NOL4: variants seen among roughly 807,000 people sequenced by gnomAD.
NOL4 encodes cancer/testis antigen 125.
Under a neutral mutation model 75.9 loss-of-function variants are expected in NOL4, and 17 were observed. The ratio of observed to expected loss-of-function variants is 0.22; its 90% CI spans 0.15 to 0.34. The LOEUF (loss-of-function observed/expected upper bound fraction) is 0.34, where lower values mean the gene tolerates loss of function less well. NOL4 is among the 10% of genes least tolerant of loss of function. The pLI, the probability that NOL4 is intolerant of heterozygous loss-of-function variation, is 1.00. For missense variants in NOL4, 614 were observed against 793.5 expected (o/e 0.77, Z 2.72); for synonymous variants, 292 against 289.9 (o/e 1.01, Z -0.07).
chr18:33,992,802 C>T (rs1206962986), intron 6 of NOL4, among the ~76,000 whole-genome samples: 1 of 151,996 alleles, frequency 6.6e-6, no homozygotes, highest in Non-Finnish European at 1.5e-5. Context: ...AGCTCAGTTC[C>T]TAAGGTAGAG....
At chr18:34,209,706 T>C (rs766700695) in intron 1 of NOL4, among the ~76,000 whole-genome samples, 1 of 152,198 alleles carries the variant, frequency 6.6e-6, no homozygotes, top group Non-Finnish European at 1.5e-5. Context: ...TAATTTATAC[T>C]GAGAAATAGA....
chr18:33,958,187 T>A (rs986198689), intron 7 of NOL4, 52 bp downstream of exon 7: 3 of 1,459,216 alleles, frequency 2.1e-6, no homozygotes, highest in Non-Finnish European at 2.8e-6. Context: ...AGCAACAACA[T>A]GAAAGTGAAG....
intron 5 of NOL4, among the ~76,000 whole-genome samples, chr18:34,024,194 A>AATAT (rs1555696185): frequency 4.7e-4 from 33 of 70,642 alleles, no homozygotes; most frequent in African/African-American, 1.2e-3. Context: ...AAAAAAAAAA[A>AATAT]ATATATATAT....
chr18:33,961,505 A>T (rs934168710), intron 6 of NOL4, among the ~76,000 whole-genome samples: 3 of 152,070 alleles, frequency 2.0e-5, no homozygotes, highest in Non-Finnish European at 4.4e-5. Context: ...GCTTTCCTGG[A>T]TATTCAGCTT....
intron 6 of NOL4, among the ~76,000 whole-genome samples, chr18:34,003,466 TA>T (rs1329174339): frequency 6.6e-6 from 1 of 152,138 alleles, no homozygotes; most frequent in Non-Finnish European, 1.5e-5. Flanking sequence ...TTGATTATAT[TA>T]AAAACCTTAA....
intron 9 of NOL4, among the ~76,000 whole-genome samples, chr18:33,894,857 C>G (rs1281966871): frequency 6.6e-6 from 1 of 152,030 alleles, no homozygotes; most frequent in African/African-American, 2.4e-5. Flanking sequence ...GGTTGTTGAT[C>G]AAAGGGTGCA....
At chr18:34,081,383 A>G (rs894849022) in intron 5 of NOL4, among the ~76,000 whole-genome samples, 6 of 152,170 alleles carry the variant, frequency 3.9e-5, no homozygotes, top group Admixed American at 1.3e-4. Context: ...ACATTTTAAT[A>G]TTCTTTTAAA....
intron 8 of NOL4, among the ~76,000 whole-genome samples, chr18:33,955,823 A>G (rs2069600859): frequency 6.6e-6 from 1 of 152,164 alleles, no homozygotes. Flanking sequence ...AGTCAATTGC[A>G]TAACATTAAA....
intron 6 of NOL4, among the ~76,000 whole-genome samples, chr18:33,966,895 C>T (rs2145831117): frequency 6.6e-6 from 1 of 152,242 alleles, no homozygotes; most frequent in Middle Eastern, 3.4e-3. Context: ...ATTAAAATGA[C>T]CATAATTCCC....
intron 9 of NOL4, among the ~76,000 whole-genome samples, chr18:33,887,946 G>T (rs553613509): frequency 9.2e-5 from 14 of 152,072 alleles, no homozygotes; most frequent in Non-Finnish European, 1.6e-4. Flanking sequence ...GTAATGGGAT[G>T]GCTGGGTCAA....
intron 1 of NOL4, among the ~76,000 whole-genome samples, chr18:34,189,474 C>A (rs1231113091): frequency 1.3e-5 from 2 of 152,054 alleles, no homozygotes; most frequent in Non-Finnish European, 2.9e-5. Flanking sequence ...GTTTGACTTT[C>A]AAAGTTAATT....
At chr18:34,099,526 A>G (rs2078948484) in intron 4 of NOL4, among the ~76,000 whole-genome samples, 1 of 152,008 alleles carries the variant, frequency 6.6e-6, no homozygotes, top group Admixed American at 6.6e-5. Flanking sequence ...GCATTTCATT[A>G]CCAGCAACTG....
At chr18:34,168,806 TCCAAA>T (rs1383251945) in intron 1 of NOL4, among the ~76,000 whole-genome samples, 4 of 145,152 alleles carry the variant, frequency 2.8e-5, no homozygotes, top group African/African-American at 1.1e-4. Context: ...ATTTATAAAT[TCCAAA>T]CCAATCAAGA....
At chr18:33,887,082 A>G (rs2064772548) in intron 9 of NOL4, among the ~76,000 whole-genome samples, 1 of 140,508 alleles carries the variant, frequency 7.1e-6, no homozygotes, top group African/African-American at 2.6e-5. Flanking sequence ...ATATATCTAT[A>G]TATATTAGAT....
intron 5 of NOL4, among the ~76,000 whole-genome samples, chr18:34,092,387 T>C (rs1005470744): frequency 6.6e-6 from 1 of 152,166 alleles, no homozygotes; most frequent in African/African-American, 2.4e-5. Context: ...CATTTTCTTA[T>C]AACTCATGCT....
intron 1 of NOL4, among the ~76,000 whole-genome samples, chr18:34,140,802 T>C (rs2081117040): frequency 6.6e-6 from 1 of 152,172 alleles, no homozygotes. Context: ...TGGCATGTTT[T>C]TGCAGTGGCT....
chr18:33,941,819 C>T (rs1197985603), intron 9 of NOL4, among the ~76,000 whole-genome samples: 4 of 151,764 alleles, frequency 2.6e-5, no homozygotes, highest in Non-Finnish European at 5.9e-5. Flanking sequence ...ATCACTATGC[C>T]AGATGGTATT....
At position 33,942,883 on chromosome 18, in the gene NOL4, T is replaced by C. The variant is rs1264536024; in HGVS notation, c.1542+182A>G. Among the ~76,000 whole-genome samples, 6 of 151,982 alleles carry C rather than the reference T, an allele frequency of 3.9e-5. No homozygotes were observed. In the Admixed American group the frequency reaches 3.9e-4, roughly 10 times the overall value. On this transcript the variant is annotated intron_variant, in intron 9 of 10. Transcript: ENST00000261592. Reference sequence around the variant, plus strand: ...TTCGCCACAGAAACATTTTGTTCTTTGACCTTCATTGATCACATGAACACA... The same window carrying C: ...TTCGCCACAGAAACATTTTGTTCTTCGACCTTCATTGATCACATGAACACA...
chr18:34,050,128 A>G (rs1266849754), intron 5 of NOL4, among the ~76,000 whole-genome samples: 1 of 152,152 alleles, frequency 6.6e-6, no homozygotes, highest in Non-Finnish European at 1.5e-5. Context: ...TCCAGGATAC[A>G]TATGTACCCA....
Sources: gnomAD v4.1 joint callset for allele counts (sites outside exome capture counted in the v4.1 genomes callset) on GRCh38, gnomAD v4.1.1 for gene constraint, MANE v1.5 for transcripts, NCBI Gene and HGNC (gene_info 2026-07-23, HGNC 2026-07-21) for gene names.